HUNK: variants seen among roughly 807,000 people sequenced by gnomAD.
The protein encoded by HUNK is hormonally up-regulated neu tumor-associated kinase.
HUNK carries 21 observed loss-of-function variants against 61.0 expected under a neutral mutation model. The observed-to-expected ratio is 0.34, with a 90% CI of 0.24 to 0.50. The LOEUF is 0.50. Among genes scored for constraint, HUNK ranks in the 20% least tolerant of loss-of-function variants. The probability of loss-of-function intolerance (pLI) is 0.98; values close to 1 mark genes in which losing one functional copy is unlikely to be tolerated. For synonymous variants in HUNK, 371 were observed against 386.1 expected (o/e 0.96, Z 0.46); for missense variants, 772 against 945.7 (o/e 0.82, Z 2.41).
At chr21:31,903,105 G>C (rs2052480454) in intron 1 of HUNK, among the ~76,000 whole-genome samples, 1 of 151,630 alleles carries the variant, frequency 6.6e-6, no homozygotes, top group African/African-American at 2.4e-5. Context: ...ACATAACAAA[G>C]CTCCATTAAT....
At chr21:31,973,009 C>T (rs548385219) in intron 6 of HUNK, among the ~76,000 whole-genome samples, 33 of 152,056 alleles carry the variant, frequency 2.2e-4, no homozygotes, top group Non-Finnish European at 4.1e-4. Context: ...ATGGGGCTAC[C>T]TCTCTGGGCA....
At chr21:31,946,973 A>G (rs992646875) in intron 4 of HUNK, among the ~76,000 whole-genome samples, 5 of 151,860 alleles carry the variant, frequency 3.3e-5, no homozygotes, top group African/African-American at 9.7e-5. Flanking sequence ...GCGGATTCCC[A>G]CATCCCATTC....
intron 1 of HUNK, among the ~76,000 whole-genome samples, chr21:31,901,891 T>C (rs1274927200): frequency 1.3e-5 from 2 of 152,086 alleles, no homozygotes; most frequent in African/African-American, 4.8e-5. Context: ...GAGGCCCAGC[T>C]CAGGCCTCAA....
chr21:31,932,595 C>T (rs2052705799), intron 2 of HUNK, among the ~76,000 whole-genome samples: 1 of 151,758 alleles, frequency 6.6e-6, no homozygotes, highest in African/African-American at 2.4e-5. Context: ...GAGTCTTCTC[C>T]CCTTAGGTCC....
At chr21:31,916,668 CCTCT>C (rs1477628085) in intron 1 of HUNK, among the ~76,000 whole-genome samples, 1 of 151,388 alleles carries the variant, frequency 6.6e-6, no homozygotes, top group East Asian at 1.9e-4. Flanking sequence ...CTTAAGGTTT[CCTCT>C]CTCTTTCTTT....
At chr21:31,898,314 G>C (rs2052439757) in intron 1 of HUNK, among the ~76,000 whole-genome samples, 1 of 152,182 alleles carries the variant, frequency 6.6e-6, no homozygotes, top group Non-Finnish European at 1.5e-5. Context: ...TGCCCAGGCT[G>C]AAGTGCAATG....
intron 1 of HUNK, among the ~76,000 whole-genome samples, chr21:31,912,406 G>C (rs963134566): frequency 6.6e-6 from 1 of 152,176 alleles, no homozygotes; most frequent in Non-Finnish European, 1.5e-5. Flanking sequence ...TTCTTGTGGT[G>C]ACGAAGGAAA....
intron 1 of HUNK, among the ~76,000 whole-genome samples, chr21:31,897,224 G>A (rs1249607145): frequency 1.3e-5 from 2 of 151,798 alleles, no homozygotes; most frequent in African/African-American, 4.8e-5. Flanking sequence ...CAGCTGGGTT[G>A]ACAGAGCAAG....
Position 31,947,989 on chromosome 21 carries a change from C to G in HUNK, c.746+1818C>G, listed in dbSNP as rs1200047705. Among the ~76,000 whole-genome samples, 4 of 152,322 alleles carry G rather than the reference C, an allele frequency of 2.6e-5. No individual in the cohort carries two copies. The East Asian group carries it at 7.7e-4, about 29-fold the overall frequency. ...ACGCTTACTTAGTGCTTGATGTGTG[C>G]CAGACACCATGTCACTTAGTTTCAC... is the stretch of plus-strand genomic sequence containing the variant. On this transcript the variant is annotated intron_variant, in intron 4 of 10. Coordinates refer to ENST00000270112, the MANE Select transcript of HUNK (RefSeq NM_014586.2).
intron 1 of HUNK, among the ~76,000 whole-genome samples, chr21:31,882,063 AC>A (rs112416572): frequency 0.018 from 2,660 of 149,360 alleles, 76 homozygotes; most frequent in African/African-American, 0.062. Flanking sequence ...CTGGGAAGAG[AC>A]CCCCCCTCCC....
At chr21:31,967,734 A>G (rs772622473) in intron 5 of HUNK, among the ~76,000 whole-genome samples, 14 of 152,092 alleles carry the variant, frequency 9.2e-5, no homozygotes, top group Non-Finnish European at 1.6e-4. Flanking sequence ...TGCCCAGTTG[A>G]GAGGTCTAAC....
chr21:31,970,793 C>T (rs1176577911), intron 6 of HUNK, among the ~76,000 whole-genome samples: 1 of 152,180 alleles, frequency 6.6e-6, no homozygotes, highest in South Asian at 2.1e-4. Context: ...AGTTTGCAGA[C>T]AGGCTTTGAT....
intron 1 of HUNK, among the ~76,000 whole-genome samples, chr21:31,908,974 G>T (rs1413450078): frequency 6.6e-6 from 1 of 152,048 alleles, no homozygotes; most frequent in African/African-American, 2.4e-5. Flanking sequence ...TTGTAAACTG[G>T]GCCCTTTTGA....
chr21:31,908,981 T>C (rs2052527691), intron 1 of HUNK, among the ~76,000 whole-genome samples: 1 of 152,174 alleles, frequency 6.6e-6, no homozygotes, highest in African/African-American at 2.4e-5. Flanking sequence ...CTGGGCCCTT[T>C]TGACACTTTT....
In HUNK at chr21:31,983,615, T is replaced by C; in HGVS notation, c.1257+6T>C. On this transcript the variant is annotated splice_donor_region_variant and intron_variant, in intron 8 of 10. Transcript: ENST00000270112. ...CCCCCAAGGAGTCCTATGAGGTGAG[T>C]GACCCCTGAAGCAAACCTCAGGGTC... 2 of 1,543,310 alleles carry C rather than the reference T, an allele frequency of 1.3e-6. No individual in the cohort carries two copies. The highest frequency in any genetic ancestry group is 1.1e-5 in the South Asian group (1 of 89,552).
chr21:31,901,628 C>T (rs549634866), intron 1 of HUNK, among the ~76,000 whole-genome samples: 1 of 152,146 alleles, frequency 6.6e-6, no homozygotes, highest in Non-Finnish European at 1.5e-5. Flanking sequence ...TTGTAGCTCA[C>T]CTGTTCTGTT....
At chr21:31,996,062 C>T in intron 10 of HUNK, 114 bp downstream of exon 10, 1 of 810,124 alleles carries the variant, frequency 1.2e-6, no homozygotes, top group East Asian at 2.7e-5. Flanking sequence ...TTCCTGTGCC[C>T]ACAGAAAAGC....
At position 31,999,928 on chromosome 21, in the gene HUNK, T is replaced by G. The variant is rs370682411; in HGVS notation, c.*744T>G. On this transcript the variant is annotated 3_prime_UTR_variant, in exon 11 of 11. Coordinates refer to ENST00000270112, the MANE Select transcript of HUNK (RefSeq NM_014586.2). The stretch of plus-strand genomic sequence containing the variant: ...TTGAAATAACATAATTTTTTAAAAC[T>G]TGGATGGAGAGATGAGAAGCAATTC... The G allele has an allele frequency of 5.5e-4, 213 of 386,714 alleles. No individual in the cohort carries two copies. The highest frequency in any genetic ancestry group is 4.2e-3 in the African/African-American group (202 of 48,558). 24.0% of individuals were successfully genotyped at this position (386,714 alleles called of 1,614,324 possible). A position where few individuals can be genotyped will look rare whatever the true frequency, so the allele number is the denominator to read the frequency against.
chr21:31,976,361 C>T (rs1025248652), intron 7 of HUNK, among the ~76,000 whole-genome samples: 3 of 151,692 alleles, frequency 2.0e-5, no homozygotes, highest in Admixed American at 6.6e-5. Context: ...TTGTATCACA[C>T]AGCAGTTCTC....
Sources: gnomAD v4.1 joint callset for allele counts (sites outside exome capture counted in the v4.1 genomes callset) on GRCh38, gnomAD v4.1.1 for gene constraint, MANE v1.5 for transcripts, NCBI Gene and HGNC (gene_info 2026-07-23, HGNC 2026-07-21) for gene names.